Variants in DPF3 observed in about 807,000 individuals in gnomAD.
DPF3 encodes the protein zinc finger protein DPF3.
Under a neutral mutation model 56.8 loss-of-function variants are expected in DPF3, and 18 were observed. The ratio of observed to expected loss-of-function variants is 0.32; its 90% CI spans 0.22 to 0.47. The LOEUF is 0.47. Ranked by LOEUF, DPF3 falls within the 20% of genes least tolerant of loss-of-function variation. The pLI, the probability that DPF3 is intolerant of heterozygous loss-of-function variation, is 1.00. For missense variants in DPF3, 403 were observed against 488.8 expected, an observed-to-expected ratio of 0.82 and a Z score of 1.65; for synonymous variants, 188 against 180.2, an observed-to-expected ratio of 1.04 and a Z score of -0.35.
intron 1 of DPF3, among the ~76,000 whole-genome samples, chr14:72,857,711 C>T (rs924864930): frequency 1.3e-5 from 2 of 151,982 alleles, no homozygotes; most frequent in Non-Finnish European, 1.5e-5. Flanking sequence ...CTCAGCCTCC[C>T]GAGCAGCTGG....
chr14:72,820,944 C>T (rs1883503706), intron 1 of DPF3, among the ~76,000 whole-genome samples: 1 of 152,050 alleles, frequency 6.6e-6, no homozygotes, highest in Middle Eastern at 3.4e-3. Context: ...CCAGCCTGGA[C>T]AACATGATGA....
intron 1 of DPF3, among the ~76,000 whole-genome samples, chr14:72,861,265 T>C (rs1224902432): frequency 2.6e-5 from 4 of 152,206 alleles, no homozygotes; most frequent in Non-Finnish European, 4.4e-5. Flanking sequence ...GTAAGCTCTA[T>C]TCAGAACTGT....
intron 1 of DPF3, among the ~76,000 whole-genome samples, chr14:72,856,759 A>G (rs74466440): frequency 0.011 from 1,723 of 152,330 alleles, 34 homozygotes; most frequent in African/African-American, 0.034. Context: ...CGTGAAGCAC[A>G]GGAGGACAGG....
At chr14:72,769,998 G>A (rs1318649385) in intron 2 of DPF3, among the ~76,000 whole-genome samples, 1 of 152,140 alleles carries the variant, frequency 6.6e-6, no homozygotes, top group African/African-American at 2.4e-5. Context: ...CTTTATAGAA[G>A]TTGTAGAGCT....
In DPF3 at chr14:72,774,262, TAAAAAAAAAAAA is replaced by T. The variant is rs777564213; in HGVS notation, c.33-2381_33-2370del. ...CTGGGCGACAGGGTGAGACTCTGTC[TAAAAAAAAAAAA>T]AAAAAAAAAAAAAAACCTGCTTTCA... On this transcript the variant is annotated intron_variant, in intron 1 of 10. Coordinates refer to ENST00000556509, the MANE Select transcript of DPF3 (RefSeq NM_001280542.3). Among the ~76,000 whole-genome samples, 388 of 61,024 alleles carry T rather than the reference TAAAAAAAAAAAA, an allele frequency of 6.4e-3. 3 individuals are homozygous for T. The highest frequency in any genetic ancestry group is 0.024 in the African/African-American group (376 of 15,492). The allele number at this position is 61,024 out of a possible 152,430, so 40.0% of individuals were successfully genotyped here.
At chr14:72,893,262 G>A (rs1886847970) in intron 1 of DPF3, among the ~76,000 whole-genome samples, 1 of 152,096 alleles carries the variant, frequency 6.6e-6, no homozygotes, top group African/African-American at 2.4e-5. Context: ...CAGAGGTGGC[G>A]AGAACACCAT....
intron 1 of DPF3, among the ~76,000 whole-genome samples, chr14:72,777,203 C>A (rs574352750): frequency 1.1e-4 from 16 of 152,248 alleles, no homozygotes; most frequent in African/African-American, 3.6e-4. Flanking sequence ...CTGTTCACAC[C>A]GCCAGAGCCG....
intron 1 of DPF3, among the ~76,000 whole-genome samples, chr14:72,834,178 AAAAC>A (rs766655783): frequency 5.3e-5 from 8 of 150,814 alleles, no homozygotes; most frequent in African/African-American, 1.7e-4. Context: ...ACTCTGTCTC[AAAAC>A]AAACAAACAA....
rs900611857 is a variant in DPF3, at chr14:72,672,072, C to G, written c.871+2168G>C. On this transcript the variant is annotated intron_variant, in intron 8 of 10. Transcript: ENST00000556509. ...ACACACACACACAGACACACACACA[C>G]ACACACACACACCCAGCCACCAGCC... Among the ~76,000 whole-genome samples the G allele has an allele frequency of 4.6e-5, 7 of 152,048 alleles. No individual in the cohort carries two copies. The East Asian group carries it at 1.4e-3, about 30-fold the overall frequency.
Position 72,768,106 on chromosome 14 carries a change from TAAG to T in DPF3, c.193+3624_193+3626del, listed in dbSNP as rs1292533697. Among the ~76,000 whole-genome samples, 12 of 152,216 alleles carry T rather than the reference TAAG, an allele frequency of 7.9e-5. No homozygotes were observed. The East Asian group carries it at 2.1e-3, about 27-fold the overall frequency. ...AAGACATTCTCCACTGAAGGAAAAC[TAAG>T]AAGTTGTTACCATCAGATTTACTCT... On this transcript the variant is annotated intron_variant, in intron 2 of 10. Transcript: ENST00000556509.
intron 9 of DPF3, among the ~76,000 whole-genome samples, chr14:72,620,867 G>T (rs562253997): frequency 6.6e-6 from 1 of 152,216 alleles, no homozygotes; most frequent in African/African-American, 2.4e-5. Flanking sequence ...TTGGCTGGGC[G>T]CTGTGGCGCA....
intron 6 of DPF3, among the ~76,000 whole-genome samples, chr14:72,710,302 T>G (rs929717253): frequency 6.6e-6 from 1 of 152,212 alleles, no homozygotes; most frequent in Non-Finnish European, 1.5e-5. Flanking sequence ...AGCGATTAAG[T>G]GAATTAAAAA....
chr14:72,759,417 C>T (rs1340312961), intron 2 of DPF3, among the ~76,000 whole-genome samples: 1 of 151,972 alleles, frequency 6.6e-6, no homozygotes. Flanking sequence ...GCCTTTAATC[C>T]CAACACTTTG....
rs182839512 is a variant in DPF3 at position 72,609,045 on chromosome 14, C to G, written c.*10252G>C. 2.0e-5 allele frequency among the ~76,000 whole-genome samples: 3 copies of G among 152,162 alleles called. No homozygotes were observed. The highest frequency in any genetic ancestry group is 4.4e-5 in the Non-Finnish European group (3 of 68,018). On this transcript the variant is annotated 3_prime_UTR_variant, in exon 11 of 11. Coordinates refer to ENST00000556509, the MANE Select transcript of DPF3 (RefSeq NM_001280542.3). ...ATAAGAGTTTCCAAGAGTTTTAAAG[C>G]CTTTTATTTGTTTACACATTCTCTA...
At chr14:72,654,923 G>A (rs1376983559) in intron 8 of DPF3, among the ~76,000 whole-genome samples, 1 of 152,066 alleles carries the variant, frequency 6.6e-6, no homozygotes, top group African/African-American at 2.4e-5. Context: ...TTCAATTACG[G>A]ACAAAAAGTT....
chr14:72,755,152 C>T (rs779994194), intron 2 of DPF3, among the ~76,000 whole-genome samples: 19 of 152,212 alleles, frequency 1.2e-4, no homozygotes, highest in African/African-American at 1.9e-4. Context: ...GGCTGCTTTA[C>T]GGTGCTTCCA....
intron 1 of DPF3, chr14:72,892,760 C>A (rs1298448904): frequency 1.5e-5 from 14 of 945,454 alleles, no homozygotes; most frequent in Non-Finnish European, 1.8e-5. Flanking sequence ...CCTGCGGCTT[C>A]GTCCGGGCGG....
In DPF3 at chr14:72,710,381, A is replaced by G. The variant is rs187671820; in HGVS notation, c.604+4042T>C. On this transcript the variant is annotated intron_variant, in intron 6 of 10. Coordinates refer to ENST00000556509, the MANE Select transcript of DPF3 (RefSeq NM_001280542.3). ...GGAAAGAATAGATTCTAAGGAGACC[A>G]ACTAAAACACTGATGCAAGCCAGTG... 5.2e-5 allele frequency among the ~76,000 whole-genome samples: 8 copies of G among 152,386 alleles called. No individual in the cohort carries two copies. The East Asian group carries it at 9.6e-4, about 18-fold the overall frequency.
rs184513841 is a variant in DPF3 at position 72,891,853 on chromosome 14, G to C, written c.32+2204C>G. The stretch of plus-strand genomic sequence containing the variant: ...GTGTGTATGCTAGTGTCTGCATGTG[G>C]GTGGCAACACAATTACAAATACATC... On this transcript the variant is annotated intron_variant, in intron 1 of 10. Transcript: ENST00000556509. Among the ~76,000 whole-genome samples, 941 of 151,970 alleles carry C rather than the reference G, an allele frequency of 6.2e-3. 3 individuals carry two copies. The highest frequency in any genetic ancestry group is 0.012 in the Non-Finnish European group (788 of 67,972).
Sources: gnomAD v4.1 joint callset for allele counts (sites outside exome capture counted in the v4.1 genomes callset) on GRCh38, gnomAD v4.1.1 for gene constraint, MANE v1.5 for transcripts, NCBI Gene and HGNC (gene_info 2026-07-23, HGNC 2026-07-21) for gene names.